The following RYR3 variants were observed in gnomAD, a reference collection of about 807,000 sequenced individuals.
RYR3 encodes brain ryanodine receptor-calcium release channel.
Under a neutral mutation model 584.3 loss-of-function variants are expected in RYR3, and 207 were observed. That is an observed-to-expected ratio of 0.35 (90% CI 0.32 to 0.40). The LOEUF is 0.40. Ranked by LOEUF, RYR3 falls within the 10% of genes least tolerant of loss-of-function variation. The pLI is 1.00. For missense variants in RYR3, 5,616 were observed against 6,089.2 expected (o/e 0.92, Z 2.59); for synonymous variants, 2,416 against 2,248.5 (o/e 1.07, Z -2.11).
intron 1 of RYR3, among the ~76,000 whole-genome samples, chr15:33,461,277 C>G (rs1421424850): frequency 6.6e-6 from 1 of 152,040 alleles, no homozygotes; most frequent in African/African-American, 2.4e-5. Flanking sequence ...CAGACTAGAC[C>G]CTGGGAACTA....
At chr15:33,469,916 A>T (rs2048797067) in intron 1 of RYR3, among the ~76,000 whole-genome samples, 1 of 152,186 alleles carries the variant, frequency 6.6e-6, no homozygotes, top group Non-Finnish European at 1.5e-5. Flanking sequence ...AAGAATACAG[A>T]GATGAATACG....
intron 1 of RYR3, among the ~76,000 whole-genome samples, chr15:33,375,466 G>C (rs1190482111): frequency 6.6e-6 from 1 of 152,098 alleles, no homozygotes; most frequent in Admixed American, 6.5e-5. Flanking sequence ...CTAAAAGAAG[G>C]GCAATCCAGA....
At chr15:33,481,861 T>G (rs2050003557) in intron 2 of RYR3, among the ~76,000 whole-genome samples, 1 of 151,900 alleles carries the variant, frequency 6.6e-6, no homozygotes. Context: ...TGCATTCATA[T>G]TTATACAAAT....
intron 48 of RYR3, among the ~76,000 whole-genome samples, chr15:33,732,406 A>G (rs1340456805): frequency 6.9e-6 from 1 of 144,960 alleles, no homozygotes; most frequent in Non-Finnish European, 1.5e-5. Flanking sequence ...AAAAAAAGCG[A>G]CCTACCTCTA....
At chr15:33,557,377 C>G (rs1015667807) in intron 10 of RYR3, among the ~76,000 whole-genome samples, 1 of 152,142 alleles carries the variant, frequency 6.6e-6, no homozygotes, top group African/African-American at 2.4e-5. Context: ...TCTAGTTTCT[C>G]TATTTTTTAT....
At chr15:33,860,464 T>A in intron 100 of RYR3, 131 bp from the exon 101 acceptor site, 1 of 544,436 alleles carries the variant, frequency 1.8e-6, no homozygotes, top group South Asian at 3.3e-5. Context: ...GAAACACGAG[T>A]ATTATTTTTC....
At chr15:33,581,089 A>G (rs968392393) in intron 13 of RYR3, among the ~76,000 whole-genome samples, 2 of 152,132 alleles carry the variant, frequency 1.3e-5, no homozygotes, top group Non-Finnish European at 2.9e-5. Context: ...TGTTTTGTGC[A>G]TCTGAATGGA....
chr15:33,384,369 C>T (rs535394587), intron 1 of RYR3, among the ~76,000 whole-genome samples: 4 of 150,984 alleles, frequency 2.6e-5, no homozygotes, highest in African/African-American at 9.7e-5. Context: ...TTCCTTGGCT[C>T]CTCTGATTAT....
chr15:33,853,725 G>C lies in RYR3; in HGVS notation c.13799+43G>C, dbSNP rs886226555. On this transcript the variant is annotated intron_variant, in intron 96 of 103. Transcript: ENST00000634891. ...GTTCAAATCCAAAGCAGCTAAAATA[G>C]ATAGATCTTTGCTTTTCCATAGGAA... 20 of 1,590,970 alleles carry C rather than the reference G, an allele frequency of 1.3e-5. No homozygotes were observed. In the Admixed American group the frequency reaches 1.4e-4, roughly 11 times the overall value.
intron 10 of RYR3, 66 bp from the exon 11 acceptor site, chr15:33,562,771 T>G: frequency 8.2e-7 from 1 of 1,225,202 alleles, no homozygotes; most frequent in Non-Finnish European, 1.2e-6. Flanking sequence ...GGTGATTCGT[T>G]TTGTATATTG....
rs779138860 is a variant in RYR3, at chr15:33,670,455, A to C, written c.5759A>C (p.Asp1920Ala). The change falls in exon 38 of 104, where the codon GAC becomes GCC. Residue 1920 changes from aspartate (D) to alanine (A), a missense_variant. Around this residue, in one of 9 missense-constraint regions of RYR3, gnomAD observed 1,280 missense variants for 1,426.2 expected, o/e 0.90. Transcript: ENST00000634891. ...GAAGAAGAGGAAGAGGAGGAGGAGG[A>C]CACCTCCTGGACAGGAAAACTCTGT... is the stretch of plus-strand genomic sequence containing the variant. ...PLEEEEEEEE[D>A]TSWTGKLCAL... 6.2e-7 allele frequency: 1 copy of C among 1,613,254 alleles called. No individual in the cohort carries two copies. Among genetic ancestry groups the C allele is most frequent in the East Asian group, 2.2e-5 (1 of 44,864 alleles).
intron 62 of RYR3, among the ~76,000 whole-genome samples, chr15:33,769,770 A>G (rs2073415069): frequency 6.6e-6 from 1 of 152,130 alleles, no homozygotes; most frequent in Admixed American, 6.5e-5. Context: ...CCTGGGCAAC[A>G]TGGTGAAACA....
intron 27 of RYR3, among the ~76,000 whole-genome samples, chr15:33,637,959 C>T (rs1386713036): frequency 1.3e-5 from 2 of 152,178 alleles, no homozygotes; most frequent in African/African-American, 4.8e-5. Flanking sequence ...CCGCTCCCCC[C>T]ATCCCACAAC....
intron 38 of RYR3, among the ~76,000 whole-genome samples, chr15:33,687,379 G>C (rs1428206671): frequency 1.3e-5 from 2 of 152,118 alleles, no homozygotes; most frequent in African/African-American, 4.8e-5. Flanking sequence ...CCTCTTCAAG[G>C]AGAACTACAA....
chr15:33,747,714 C>T (rs1053096586), intron 53 of RYR3, among the ~76,000 whole-genome samples: 7 of 152,110 alleles, frequency 4.6e-5, no homozygotes, highest in Non-Finnish European at 7.3e-5. Flanking sequence ...CATGAGCCAC[C>T]GTGCCCAGCC....
intron 1 of RYR3, among the ~76,000 whole-genome samples, chr15:33,437,987 T>G (rs2045878960): frequency 6.6e-6 from 1 of 152,150 alleles, no homozygotes; most frequent in Admixed American, 6.5e-5. Flanking sequence ...CTCCCAAATA[T>G]CTATATATTG....
chr15:33,704,197 C>G (rs1205578334), intron 42 of RYR3, among the ~76,000 whole-genome samples: 2 of 151,704 alleles, frequency 1.3e-5, no homozygotes, highest in Non-Finnish European at 2.9e-5. Flanking sequence ...TTGTTTGATC[C>G]CGGGAGGCAG....
rs74005925 is a variant in RYR3, at chr15:33,647,419, C to G, written c.3942-5C>G. 7.3e-5 allele frequency: 117 copies of G among 1,606,200 alleles called. No homozygotes were observed. In the African/African-American group the frequency reaches 1.5e-3, roughly 20 times the overall value. ...TAACTAAAACATGGATTATCTTTCC[C>G]CCAGGAAACAGATGCAAGAAATACT... On this transcript the variant is annotated splice_polypyrimidine_tract_variant and splice_region_variant and intron_variant, in intron 29 of 103. Transcript: ENST00000634891.
chr15:33,805,659 A>G (rs1311686341), intron 69 of RYR3, among the ~76,000 whole-genome samples: 1 of 151,178 alleles, frequency 6.6e-6, no homozygotes, highest in East Asian at 2.0e-4. Flanking sequence ...TTGTATTTTT[A>G]GTAGAGACAG....
Sources: gnomAD v4.1 joint callset for allele counts (sites outside exome capture counted in the v4.1 genomes callset) on GRCh38, gnomAD v4.1.1 for gene constraint, gnomAD v4.1.1 regional missense constraint, MANE v1.5 for transcripts, NCBI Gene and HGNC (gene_info 2026-07-23, HGNC 2026-07-21) for gene names.